The following NAA16 variants were observed in gnomAD, a reference collection of about 807,000 sequenced individuals.
NAA16 encodes the protein N-alpha-acetyltransferase 16, NatA auxiliary subunit, also known as NARG1-like protein.
A neutral mutation model predicts 110.3 loss-of-function variants in NAA16; 97 were observed. That is an observed-to-expected ratio of 0.88 (90% CI 0.75 to 1.04). NAA16 has a LOEUF of 1.04. Ranked by LOEUF, NAA16 falls within the 50% of genes least tolerant of loss-of-function variation. The pLI is 0.00. For synonymous variants in NAA16, 372 were observed against 330.6 expected (o/e 1.13, Z -1.36); for missense variants, 1,017 against 1,005.1 (o/e 1.01, Z -0.16).
rs192458305 is a variant in NAA16, at chr13:41,359,413, A to G, written c.1410+451A>G. Among the ~76,000 whole-genome samples, 248 of 152,326 alleles carry G rather than the reference A, an allele frequency of 1.6e-3. 1 individual carries two copies. Among genetic ancestry groups the G allele is most frequent in the Admixed American group, 2.4e-3 (36 of 15,294 alleles). ...ATTTAAGTTTCCTGAGATGGGCTAC[A>G]CATCCATCCCTTTTCCCTCCTTCAC... On this transcript the variant is annotated intron_variant, in intron 12 of 19. Coordinates refer to ENST00000379406, the MANE Select transcript of NAA16 (RefSeq NM_024561.5).
chr13:41,361,457 G>A (rs1002502566), intron 12 of NAA16, among the ~76,000 whole-genome samples: 7 of 152,228 alleles, frequency 4.6e-5, no homozygotes, highest in African/African-American at 1.7e-4. Flanking sequence ...TGCTTGAAAG[G>A]CAGAAGATAG....
intron 13 of NAA16, chr13:41,362,669 G>T (rs1395984197): frequency 2.4e-6 from 3 of 1,273,784 alleles, no homozygotes; most frequent in Non-Finnish European, 3.1e-6. Flanking sequence ...GTGCCTTAGT[G>T]AGGGGACTTT....
intron 6 of NAA16, 51 bp downstream of exon 6, chr13:41,325,902 T>G: frequency 7.0e-7 from 1 of 1,436,014 alleles, no homozygotes; most frequent in African/African-American, 1.4e-5. Flanking sequence ...ACAAAAAAAC[T>G]ATATATTTTA....
intron 9 of NAA16, among the ~76,000 whole-genome samples, chr13:41,346,364 ATTC>A (rs1224990292): frequency 6.6e-6 from 1 of 152,118 alleles, no homozygotes; most frequent in East Asian, 1.9e-4. Flanking sequence ...GTTTTCTATT[ATTC>A]TTTTATGAGA....
chr13:41,311,270 G>T lies in NAA16; in HGVS notation c.-259G>T. On this transcript the variant is annotated 5_prime_UTR_variant, in exon 1 of 20. Transcript: ENST00000379406. ...GGCGGACCCTGGCTGCCATCTTGCA[G>T]TGCGCGGGAACCGCCGCCGCCGCCG... 3 of 551,312 alleles carry T rather than the reference G, an allele frequency of 5.4e-6. No homozygotes were observed. The highest frequency in any genetic ancestry group is 9.5e-6 in the Non-Finnish European group (3 of 315,498). The allele number at this position is 551,312 out of a possible 1,614,324, so 34.2% of individuals were successfully genotyped here.
chr13:41,312,090 A>G (rs1443828569), intron 1 of NAA16, among the ~76,000 whole-genome samples: 1 of 152,242 alleles, frequency 6.6e-6, no homozygotes, highest in Non-Finnish European at 1.5e-5. Context: ...TTACGAGGAA[A>G]TAAAACCGGC....
At chr13:41,354,505 A>G (rs1462943512) in intron 9 of NAA16, 1 of 152,234 alleles carries the variant, frequency 6.6e-6, no homozygotes, top group Non-Finnish European at 1.5e-5. Context: ...TTTTCTGAAA[A>G]TAAAGATGTC....
chr13:41,311,609 C>T (rs577490539), intron 1 of NAA16, 27 bp downstream of exon 1: 16 of 1,591,094 alleles, frequency 1.0e-5, no homozygotes, highest in East Asian at 6.9e-5. Context: ...CGCGCTGCCG[C>T]CCCCCGGTCC....
chr13:41,353,235 G>GA (rs368462261), intron 9 of NAA16, among the ~76,000 whole-genome samples: 540 of 151,672 alleles, frequency 3.6e-3, no homozygotes, highest in Non-Finnish European at 5.4e-3. Flanking sequence ...GCAAGTTCCT[G>GA]AAAAAAAATT....
Position 41,373,767 on chromosome 13 carries a change from G to A in NAA16, c.2286G>A (p.Gln762=), listed in dbSNP as rs755515459. The A allele has an allele frequency of 3.8e-6, 6 of 1,599,198 alleles. No homozygotes were observed. In the South Asian group the frequency reaches 5.7e-5, roughly 15 times the overall value. ...DFLKRNATSL[Q]HLLSGAKMMY... ...TGAAACGTAACGCTACCTCTCTTCA[G>A]CATCTACTTTCAGGTTTGTTTGTAG... Residue 762 remains glutamine, a synonymous_variant, in exon 18 of 20, where the codon CAG becomes CAA. Coordinates refer to ENST00000379406, the MANE Select transcript of NAA16 (RefSeq NM_024561.5).
chr13:41,375,841 T>C lies in NAA16; in HGVS notation c.*239T>C, dbSNP rs537117813. On this transcript the variant is annotated 3_prime_UTR_variant, in exon 20 of 20. Transcript: ENST00000379406. ...AGCTCCGATCGCTTCTGTATAATTA[T>C]AATTTCTTACTAAGCTAAGTTGTAT... 64 of 349,584 alleles carry C rather than the reference T, an allele frequency of 1.8e-4. No homozygotes were observed. The highest frequency in any genetic ancestry group is 3.0e-4 in the Non-Finnish European group (58 of 194,954). The allele number at this position is 349,584 out of a possible 1,614,324, so 21.7% of individuals were successfully genotyped here. A position where few individuals can be genotyped will look rare whatever the true frequency, so the allele number is the denominator to read the frequency against.
intron 6 of NAA16, chr13:41,328,139 C>T (rs2139404156): frequency 6.6e-6 from 1 of 152,094 alleles, no homozygotes; most frequent in East Asian, 1.9e-4. Context: ...TTTTCCACAC[C>T]ACCTCTTAAT....
chr13:41,321,061 A>G (rs1246907938), intron 4 of NAA16, among the ~76,000 whole-genome samples: 3 of 152,158 alleles, frequency 2.0e-5, no homozygotes, highest in African/African-American at 7.2e-5. Context: ...GCAGTTTGGG[A>G]GGTTGAGATG....
intron 14 of NAA16, 40 bp downstream of exon 14, chr13:41,367,692 A>T (rs1164245613): frequency 7.4e-7 from 1 of 1,348,760 alleles, no homozygotes; most frequent in African/African-American, 1.5e-5. Context: ...AAAGGACACT[A>T]AATTTCAGAA....
intron 1 of NAA16, among the ~76,000 whole-genome samples, chr13:41,312,056 A>G (rs1178738270): frequency 6.6e-6 from 1 of 152,182 alleles, no homozygotes; most frequent in Admixed American, 6.5e-5. Flanking sequence ...AGCGGGATCG[A>G]TGCGATGGTG....
chr13:41,311,858 G>T (rs1015139161), intron 1 of NAA16, among the ~76,000 whole-genome samples: 1 of 152,230 alleles, frequency 6.6e-6, no homozygotes, highest in Non-Finnish European at 1.5e-5. Context: ...TCTCCGCAGT[G>T]CCCGGGCACA....
chr13:41,314,964 A>G (rs919940961), intron 1 of NAA16, among the ~76,000 whole-genome samples: 1 of 152,234 alleles, frequency 6.6e-6, no homozygotes, highest in African/African-American at 2.4e-5. Context: ...ACTGCACACC[A>G]GCTTGGGCAA....
chr13:41,315,105 A>G (rs996339230), intron 1 of NAA16, among the ~76,000 whole-genome samples: 7 of 152,212 alleles, frequency 4.6e-5, no homozygotes, highest in Non-Finnish European at 1.0e-4. Flanking sequence ...AAATGATAGC[A>G]CTGTGTGGAA....
At chr13:41,327,493 A>G (rs1052509880) in intron 6 of NAA16, among the ~76,000 whole-genome samples, 1 of 151,718 alleles carries the variant, frequency 6.6e-6, no homozygotes, top group African/African-American at 2.4e-5. Context: ...CAGTTAGGTT[A>G]GATTATTTAA....
Sources: gnomAD v4.1 joint callset for allele counts (sites outside exome capture counted in the v4.1 genomes callset) on GRCh38, gnomAD v4.1.1 for gene constraint, MANE v1.5 for transcripts, NCBI Gene and HGNC (gene_info 2026-07-23, HGNC 2026-07-21) for gene names.